MEGF11: variants seen among roughly 807,000 people sequenced by gnomAD.
MEGF11 encodes multiple EGF like domains 11, also known as multiple epidermal growth factor-like domains protein 11.
Under a neutral mutation model 146.6 loss-of-function variants are expected in MEGF11, and 126 were observed. The ratio of observed to expected loss-of-function variants is 0.86; its 90% CI spans 0.74 to 1.00. MEGF11 has a LOEUF of 1.00. Ranked by LOEUF, MEGF11 falls within the 50% of genes least tolerant of loss-of-function variation. The pLI, the probability that MEGF11 is intolerant of heterozygous loss-of-function variation, is 0.00. For synonymous variants in MEGF11, 532 were observed against 583.4 expected, an observed-to-expected ratio of 0.91 and a Z score of 1.27; for missense variants, 1,509 against 1,521.2, an observed-to-expected ratio of 0.99 and a Z score of 0.13.
chr15:66,206,732 C>G (rs1470329770), intron 1 of MEGF11, among the ~76,000 whole-genome samples: 2 of 152,102 alleles, frequency 1.3e-5, no homozygotes, highest in East Asian at 3.9e-4. Context: ...AACCCCGTCT[C>G]TACTAAAAGT....
At chr15:65,970,760 C>T (rs1448937817) in intron 7 of MEGF11, 71 bp from the exon 8 acceptor site, 1 of 1,515,752 alleles carries the variant, frequency 6.6e-7, no homozygotes, top group Non-Finnish European at 8.9e-7. Flanking sequence ...AATGGCACAC[C>T]TGCTGTGGCT....
chr15:66,008,595 G>A (rs768439191), intron 5 of MEGF11, among the ~76,000 whole-genome samples: 1 of 152,126 alleles, frequency 6.6e-6, no homozygotes, highest in Non-Finnish European at 1.5e-5. Flanking sequence ...AGGCAAAAGT[G>A]GGAGGATTGC....
intron 16 of MEGF11, 22 bp downstream of exon 16, chr15:65,917,943 AT>A (rs1357480076): frequency 6.2e-7 from 1 of 1,613,716 alleles, no homozygotes; most frequent in African/African-American, 1.3e-5. Flanking sequence ...AGGTAGGGGC[AT>A]TCCCAGGTGG....
intron 9 of MEGF11, 109 bp downstream of exon 9, chr15:65,964,799 A>T: frequency 1.9e-6 from 2 of 1,080,064 alleles, no homozygotes; most frequent in East Asian, 2.6e-5. Context: ...CCTTTCCCCC[A>T]CCTGCCTGGA....
At chr15:65,913,319 G>A (rs2141202029) in intron 20 of MEGF11, among the ~76,000 whole-genome samples, 1 of 152,286 alleles carries the variant, frequency 6.6e-6, no homozygotes, top group East Asian at 1.9e-4. Context: ...GTTGTCCTGA[G>A]GCGTTCACCA....
chr15:66,225,028 A>C (rs1298126989), intron 1 of MEGF11, among the ~76,000 whole-genome samples: 2 of 152,206 alleles, frequency 1.3e-5, no homozygotes, highest in Non-Finnish European at 2.9e-5. Flanking sequence ...AGGAAAGAAC[A>C]CGGCGTGTGT....
chr15:66,113,012 G>C (rs1173909188), intron 4 of MEGF11, among the ~76,000 whole-genome samples: 1 of 152,216 alleles, frequency 6.6e-6, no homozygotes, highest in Non-Finnish European at 1.5e-5. Context: ...AACAATAATT[G>C]TGCAAAGCAA....
chr15:66,251,971 A>C (rs569226015), intron 1 of MEGF11, among the ~76,000 whole-genome samples: 12 of 152,344 alleles, frequency 7.9e-5, no homozygotes, highest in African/African-American at 2.9e-4. Context: ...CACCCCGCCC[A>C]GTCTGCAGGG....
chr15:66,230,340 T>C (rs1192282449), intron 1 of MEGF11, among the ~76,000 whole-genome samples: 1 of 152,140 alleles, frequency 6.6e-6, no homozygotes, highest in African/African-American at 2.4e-5. Flanking sequence ...CCTCCCCCAC[T>C]AGATTGTAAG....
chr15:66,157,654 CT>C (rs1156302861), intron 1 of MEGF11, among the ~76,000 whole-genome samples: 16 of 152,342 alleles, frequency 1.1e-4, no homozygotes, highest in African/African-American at 2.4e-4. Context: ...TCCCAGCCCC[CT>C]AGCACCTGTC....
Position 65,912,115 on chromosome 15 carries a change from C to G in MEGF11, c.2796G>C (p.Gln932His). 1 of 1,232,172 alleles carries G rather than the reference C, an allele frequency of 8.1e-7. No homozygotes were observed. 76.3% of individuals were successfully genotyped at this position (1,232,172 alleles called of 1,614,324 possible). ...GGCTGTTCCTGTCCAGAGTGCTGGCCTGGCTGGTGGCAGGCCCCCCACATG... is the reference window on the plus strand; with the variant it reads ...GGCTGTTCCTGTCCAGAGTGCTGGCGTGGCTGGTGGCAGGCCCCCCACATG... ...ALACGGPATS[Q>H]ASTLDRNSPT... The change falls in exon 21 of 26, where the codon CAG (glutamine) becomes CAC (histidine). Residue 932 changes from glutamine (Q) to histidine (H), a missense_variant. By Grantham distance (24) the Gln-to-His change is conservative. Coordinates refer to ENST00000395614, the MANE Select transcript of MEGF11 (RefSeq NM_001385028.1).
At position 66,183,110 on chromosome 15, in the gene MEGF11, A is replaced by G. The variant is rs16949625; in HGVS notation, c.-8-54699T>C. Reference sequence around the variant, plus strand: ...TAAAACACACACACAGAATGACACTACATATTTTACAATGATACACTACTT... The same window carrying G: ...TAAAACACACACACAGAATGACACTGCATATTTTACAATGATACACTACTT... On this transcript the variant is annotated intron_variant, in intron 1 of 25. Transcript: ENST00000395614. Among the ~76,000 whole-genome samples, 355 of 152,358 alleles carry G rather than the reference A, an allele frequency of 2.3e-3. 7 individuals carry two copies. The East Asian group carries it at 0.047, about 20-fold the overall frequency.
intron 1 of MEGF11, among the ~76,000 whole-genome samples, chr15:66,211,590 GCCA>G (rs1471456806): frequency 1.1e-4 from 17 of 151,274 alleles, no homozygotes; most frequent in Non-Finnish European, 2.1e-4. Flanking sequence ...GGGTCTCTCA[GCCA>G]GTCACCGTTC....
intron 4 of MEGF11, among the ~76,000 whole-genome samples, chr15:66,116,290 G>A (rs72744440): frequency 0.074 from 11,201 of 151,960 alleles, 511 homozygotes; most frequent in South Asian, 0.15. Flanking sequence ...TGTTAGTCCC[G>A]CCTTCCCGTC....
At chr15:65,966,055 G>GAAT (rs962801009) in intron 8 of MEGF11, among the ~76,000 whole-genome samples, 1 of 152,134 alleles carries the variant, frequency 6.6e-6, no homozygotes, top group Non-Finnish European at 1.5e-5. Context: ...GCCCAGGCTG[G>GAAT]AATGGCATGA....
intron 1 of MEGF11, among the ~76,000 whole-genome samples, chr15:66,175,820 T>G (rs1413242844): frequency 6.6e-6 from 1 of 152,092 alleles, no homozygotes; most frequent in Non-Finnish European, 1.5e-5. Context: ...AATAGACGAA[T>G]GGGACTATAT....
chr15:66,095,676 C>G (rs1188968539), intron 4 of MEGF11, among the ~76,000 whole-genome samples: 1 of 152,194 alleles, frequency 6.6e-6, no homozygotes, highest in East Asian at 1.9e-4. Context: ...TTTGCCCAGG[C>G]CCCAGGCAAG....
At chr15:66,111,975 C>T (rs941202138) in intron 4 of MEGF11, among the ~76,000 whole-genome samples, 6 of 151,666 alleles carry the variant, frequency 4.0e-5, no homozygotes, top group East Asian at 1.9e-4. Flanking sequence ...GATCTTGAAC[C>T]GGGGGAAACC....
intron 1 of MEGF11, among the ~76,000 whole-genome samples, chr15:66,244,017 G>A (rs995344851): frequency 6.6e-6 from 1 of 152,196 alleles, no homozygotes; most frequent in Admixed American, 6.5e-5. Context: ...CATCAAGTCG[G>A]GGTGTGACTT....
Sources: gnomAD v4.1 joint callset for allele counts (sites outside exome capture counted in the v4.1 genomes callset) on GRCh38, gnomAD v4.1.1 for gene constraint, MANE v1.5 for transcripts, NCBI Gene and HGNC (gene_info 2026-07-23, HGNC 2026-07-21) for gene names.